Variants in NFIB observed in about 807,000 individuals in gnomAD.
NFIB encodes nuclear factor 1 B-type.
A neutral mutation model predicts 61.5 loss-of-function variants in NFIB; 11 were observed. The observed-to-expected ratio is 0.18, with a 90% CI of 0.11 to 0.30. The LOEUF (loss-of-function observed/expected upper bound fraction) is 0.30, where lower values mean the gene tolerates loss of function less well. Among genes scored for constraint, NFIB ranks in the 10% least tolerant of loss-of-function variants. The pLI, the probability that NFIB is intolerant of heterozygous loss-of-function variation, is 1.00. For missense variants in NFIB, 471 were observed against 608.9 expected, an observed-to-expected ratio of 0.77 and a Z score of 2.38; for synonymous variants, 260 against 216.5, an observed-to-expected ratio of 1.20 and a Z score of -1.76.
chr9:14,145,682 ACT>A (rs1342139732), intron 6 of NFIB, among the ~76,000 whole-genome samples: 1 of 139,110 alleles, frequency 7.2e-6, no homozygotes, highest in African/African-American at 2.7e-5. Flanking sequence ...ACAGGGTCTC[ACT>A]CTGTTACCCA....
At position 14,322,601 on chromosome 9, in the gene NFIB, C is replaced by A. The variant is rs895917671; in HGVS notation, c.109-15081G>T. 1.8e-4 allele frequency among the ~76,000 whole-genome samples: 27 copies of A among 152,024 alleles called. No individual in the cohort carries two copies. In the South Asian group the frequency reaches 5.4e-3, roughly 31 times the overall value. ...CCCGCCCCGCCCCACCCTACCACGG[C>A]CGGCCTGGGCGCGCGGGAAGCGCGG... On this transcript the variant is annotated intron_variant, in intron 1 of 8. Coordinates refer to the NFIB transcript ENST00000380934.
the NFIB span, among the ~76,000 whole-genome samples, chr9:14,475,664 C>T: frequency 8.7e-4 from 133 of 152,196 alleles, 2 homozygotes; most frequent in African/African-American, 3.0e-3. Context: ...CCTTGACCTT[C>T]CCCAACCCTT....
the NFIB span, among the ~76,000 whole-genome samples, chr9:14,524,262 A>G: frequency 6.6e-6 from 1 of 152,214 alleles, no homozygotes; most frequent in Non-Finnish European, 1.5e-5. Flanking sequence ...GTGCCATATA[A>G]TACAGTAGAC....
rs540753163 is a variant in NFIB, at chr9:14,363,266, C to T, written c.108+35258G>A. Among the ~76,000 whole-genome samples, 19 of 152,288 alleles carry T rather than the reference C, an allele frequency of 1.2e-4. No individual in the cohort carries two copies. The South Asian group carries it at 3.9e-3, about 32-fold the overall frequency. ...GACTGAGACTACTCCGTTTGAGGCC[C>T]TGGTTGTCAGTTGTCCTTTCTTAAC... is the stretch of plus-strand genomic sequence containing the variant. On this transcript the variant is annotated intron_variant, in intron 1 of 8. Coordinates refer to the NFIB transcript ENST00000380934.
chr9:14,337,668 C>T (rs901128195), intron 1 of NFIB, among the ~76,000 whole-genome samples: 1 of 152,160 alleles, frequency 6.6e-6, no homozygotes, highest in Non-Finnish European at 1.5e-5. Context: ...GGACACATGC[C>T]CAGGCCACAC....
At chr9:14,439,666 C>T in the NFIB span, among the ~76,000 whole-genome samples, 302 of 152,212 alleles carry the variant, frequency 2.0e-3, 1 homozygote, top group African/African-American at 7.0e-3. Flanking sequence ...GGTTGAGGGA[C>T]TGGGCTCTGT....
the NFIB span, among the ~76,000 whole-genome samples, chr9:14,485,582 A>G: frequency 6.6e-6 from 1 of 152,192 alleles, no homozygotes; most frequent in Admixed American, 6.5e-5. Context: ...GACTAATACA[A>G]CACAGTCCCT....
chr9:14,193,663 C>T (rs556436122), intron 2 of NFIB, among the ~76,000 whole-genome samples: 3 of 152,210 alleles, frequency 2.0e-5, no homozygotes, highest in Non-Finnish European at 2.9e-5. Flanking sequence ...AAACACTCTA[C>T]GAACAGGAGA....
intron 9 of NFIB, among the ~76,000 whole-genome samples, chr9:14,114,875 T>C (rs1281773136): frequency 6.6e-6 from 1 of 152,240 alleles, no homozygotes; most frequent in Admixed American, 6.5e-5. Flanking sequence ...ATTGCTGACA[T>C]TGTTTGCTCA....
intron 1 of NFIB, among the ~76,000 whole-genome samples, chr9:14,329,792 C>T (rs1215472856): frequency 2.0e-5 from 3 of 151,364 alleles, no homozygotes; most frequent in Non-Finnish European, 2.9e-5. Flanking sequence ...GGATTATAGG[C>T]GTGAGCCACC....
At chr9:14,420,905 T>C in the NFIB span, among the ~76,000 whole-genome samples, 7 of 152,302 alleles carry the variant, frequency 4.6e-5, no homozygotes, top group East Asian at 1.9e-4. Flanking sequence ...ACTAATTATA[T>C]AAGCTTTTAG....
At chr9:14,365,194 TA>T (rs1235758877) in intron 1 of NFIB, among the ~76,000 whole-genome samples, 2 of 152,218 alleles carry the variant, frequency 1.3e-5, no homozygotes, top group East Asian at 1.9e-4. Flanking sequence ...ATTCTGCTGC[TA>T]AAAAATAAAT....
the NFIB span, among the ~76,000 whole-genome samples, chr9:14,512,582 CATACAGAA>C: frequency 6.6e-6 from 1 of 152,038 alleles, no homozygotes; most frequent in African/African-American, 2.4e-5. Context: ...ACCCAATATG[CATACAGAA>C]ATAAAAAACG....
rs538744378 is a variant in NFIB at position 14,196,859 on chromosome 9, T to G, written c.563-17079A>C. Among the ~76,000 whole-genome samples, 264 of 152,318 alleles carry G rather than the reference T, an allele frequency of 1.7e-3. 2 individuals carry two copies. Among genetic ancestry groups the G allele is most frequent in the Middle Eastern group, 3.4e-3 (1 of 294 alleles). On this transcript the variant is annotated intron_variant, in intron 2 of 10. Coordinates refer to ENST00000380953, the MANE Select transcript of NFIB (RefSeq NM_001190737.2). Reference sequence around the variant, plus strand: ...TTTGGCTTCTTAATCTGTTCAAAATTTGTTGTCAAATCGTATGGAATTCCT... The same window carrying G: ...TTTGGCTTCTTAATCTGTTCAAAATGTGTTGTCAAATCGTATGGAATTCCT...
At chr9:14,371,098 A>AAAACC (rs2061353119) in intron 1 of NFIB, among the ~76,000 whole-genome samples, 1 of 152,120 alleles carries the variant, frequency 6.6e-6, no homozygotes, top group South Asian at 2.1e-4. Context: ...CTGTCTCAAA[A>AAAACC]AAACCAAACC....
chr9:14,384,097 CCTT>C (rs1413639017), intron 1 of NFIB, among the ~76,000 whole-genome samples: 1 of 152,168 alleles, frequency 6.6e-6, no homozygotes, highest in Non-Finnish European at 1.5e-5. Flanking sequence ...CTTCTTTGCA[CCTT>C]CTTTTAAATC....
chr9:14,216,451 T>G (rs2050870590), intron 2 of NFIB, among the ~76,000 whole-genome samples: 1 of 151,608 alleles, frequency 6.6e-6, no homozygotes, highest in African/African-American at 2.4e-5. Context: ...TCTGCCAAGG[T>G]GCATCTGTAT....
intron 2 of NFIB, among the ~76,000 whole-genome samples, chr9:14,231,640 T>C (rs1024493985): frequency 1.1e-4 from 17 of 152,344 alleles, no homozygotes; most frequent in African/African-American, 2.6e-4. Context: ...CTTGCTGGTA[T>C]GATTTATATT....
At chr9:14,447,884 A>G in the NFIB span, among the ~76,000 whole-genome samples, 9 of 152,114 alleles carry the variant, frequency 5.9e-5, no homozygotes, top group African/African-American at 1.9e-4. Context: ...TGATCGATTT[A>G]AGATGATGCT....
Sources: allele counts gnomAD v4.1 joint callset (sites outside exome capture counted in the v4.1 genomes callset), GRCh38; gene constraint gnomAD v4.1.1; transcripts MANE v1.5; gene names NCBI Gene and HGNC (gene_info 2026-07-23, HGNC 2026-07-21).